The following NXPE2 variants were observed in gnomAD, a reference collection of about 807,000 sequenced individuals.
NXPE2 encodes the protein neurexophilin and PC-esterase domain family member 2.
A neutral mutation model predicts 34.4 loss-of-function variants in NXPE2; 34 were observed. The ratio of observed to expected loss-of-function variants is 0.99; its 90% CI spans 0.75 to 1.31. The LOEUF is 1.31. Among genes scored for constraint, NXPE2 ranks in the 40% most tolerant of loss-of-function variants. The probability of loss-of-function intolerance (pLI) is 0.00; values close to 1 mark genes in which losing one functional copy is unlikely to be tolerated. For missense variants in NXPE2, 649 were observed against 672.5 expected (o/e 0.97, Z 0.39); for synonymous variants, 235 against 231.3 (o/e 1.02, Z -0.15).
chr11:114,801,302 G>T, the NXPE2 span, among the ~76,000 whole-genome samples: 4 of 152,320 alleles, frequency 2.6e-5, no homozygotes, highest in East Asian at 7.7e-4. Flanking sequence ...TGAGGCATTG[G>T]AATGATGAAA....
chr11:114,471,220 A>G, the NXPE2 span, among the ~76,000 whole-genome samples: 14 of 152,212 alleles, frequency 9.2e-5, no homozygotes, highest in Admixed American at 8.5e-4. Flanking sequence ...CCAAAGGCAT[A>G]AAAATTTCGT....
the NXPE2 span, among the ~76,000 whole-genome samples, chr11:114,764,097 A>G: frequency 6.6e-6 from 1 of 152,132 alleles, no homozygotes; most frequent in Admixed American, 6.5e-5. Flanking sequence ...TGGTGCAAAT[A>G]TAGCTCATTA....
At chr11:114,687,180 C>T (rs1316731798) in intron 2 of NXPE2, among the ~76,000 whole-genome samples, 2 of 152,032 alleles carry the variant, frequency 1.3e-5, no homozygotes, top group Non-Finnish European at 2.9e-5. Flanking sequence ...GTTATAAATT[C>T]TTTGCCTGGG....
the NXPE2 span, among the ~76,000 whole-genome samples, chr11:114,625,379 T>A: frequency 6.0e-3 from 906 of 152,178 alleles, 5 homozygotes; most frequent in Non-Finnish European, 9.9e-3. Flanking sequence ...GGGTAACCAC[T>A]GTTACCCAGT....
At chr11:114,807,443 A>G in the NXPE2 span, among the ~76,000 whole-genome samples, 5 of 152,088 alleles carry the variant, frequency 3.3e-5, no homozygotes, top group African/African-American at 1.2e-4. Flanking sequence ...TATTCAGGAA[A>G]CCCATCTCAC....
At chr11:114,656,574 TA>T in the NXPE2 span, among the ~76,000 whole-genome samples, 1 of 152,056 alleles carries the variant, frequency 6.6e-6, no homozygotes, top group Non-Finnish European at 1.5e-5. Context: ...TGTGATAAGT[TA>T]ATTGCATGAA....
the NXPE2 span, among the ~76,000 whole-genome samples, chr11:114,635,601 T>G: frequency 6.6e-6 from 1 of 151,970 alleles, no homozygotes; most frequent in African/African-American, 2.4e-5. Flanking sequence ...GGCTGTGGGT[T>G]TGTCATAGAT....
chr11:114,743,653 G>A, the NXPE2 span, among the ~76,000 whole-genome samples: 1 of 151,958 alleles, frequency 6.6e-6, no homozygotes, highest in South Asian at 2.1e-4. Flanking sequence ...TCTTGGTTAA[G>A]GTGGAACAGT....
At chr11:114,587,598 A>C in the NXPE2 span, among the ~76,000 whole-genome samples, 1 of 152,140 alleles carries the variant, frequency 6.6e-6, no homozygotes. Flanking sequence ...TTTCATTGCT[A>C]TGGGTTATGC....
At chr11:114,736,728 T>G in the NXPE2 span, among the ~76,000 whole-genome samples, 6 of 152,144 alleles carry the variant, frequency 3.9e-5, no homozygotes, top group Non-Finnish European at 7.4e-5. Context: ...ATTGGGGAAG[T>G]GATAAGTGTC....
chr11:114,626,782 A>G, the NXPE2 span, among the ~76,000 whole-genome samples: 1 of 152,168 alleles, frequency 6.6e-6, no homozygotes, highest in Non-Finnish European at 1.5e-5. Context: ...AAAAATTTAG[A>G]ATAATGTATA....
the NXPE2 span, among the ~76,000 whole-genome samples, chr11:114,480,001 G>A: frequency 6.6e-6 from 1 of 152,106 alleles, no homozygotes; most frequent in Non-Finnish European, 1.5e-5. Flanking sequence ...ATAACCAGCT[G>A]TCCTGTGAAC....
chr11:114,538,094 G>T, the NXPE2 span, among the ~76,000 whole-genome samples: 1 of 152,102 alleles, frequency 6.6e-6, no homozygotes, highest in Non-Finnish European at 1.5e-5. Context: ...TAGACCAATG[G>T]AACAGAACAG....
chr11:114,600,581 C>G, the NXPE2 span, among the ~76,000 whole-genome samples: 3 of 151,984 alleles, frequency 2.0e-5, no homozygotes, highest in Non-Finnish European at 4.4e-5. Flanking sequence ...TCTAAAGTGT[C>G]ACAATCATGA....
At chr11:114,577,735 C>A in the NXPE2 span, among the ~76,000 whole-genome samples, 1 of 152,036 alleles carries the variant, frequency 6.6e-6, no homozygotes, top group African/African-American at 2.4e-5. Flanking sequence ...AGACTAAGCT[C>A]ATTTGAGGCT....
At chr11:114,761,997 T>C in the NXPE2 span, among the ~76,000 whole-genome samples, 2 of 152,240 alleles carry the variant, frequency 1.3e-5, no homozygotes, top group African/African-American at 4.8e-5. Context: ...TCAAGGTACT[T>C]AAGATCTCAT....
the NXPE2 span, chr11:114,522,544 G>C: frequency 3.4e-6 from 5 of 1,454,262 alleles, no homozygotes; most frequent in Non-Finnish European, 4.6e-6. Context: ...AGAAGATAAT[G>C]GTTAATATTC....
the NXPE2 span, among the ~76,000 whole-genome samples, chr11:114,541,194 C>T: frequency 6.6e-5 from 10 of 152,014 alleles, no homozygotes; most frequent in Admixed American, 1.3e-4. Context: ...AAACGGAATC[C>T]GTGGTTTCCA....
chr11:114,679,464 T>C (rs1414515953), intron 1 of NXPE2, among the ~76,000 whole-genome samples, 193 bp from the exon 2 acceptor site: 1 of 152,036 alleles, frequency 6.6e-6, no homozygotes, highest in African/African-American at 2.4e-5. Context: ...CCAGGAGTCC[T>C]TCTAGGAGTT....
Sources: gnomAD v4.1 joint callset for allele counts (sites outside exome capture counted in the v4.1 genomes callset) on GRCh38, gnomAD v4.1.1 for gene constraint, MANE v1.5 for transcripts, NCBI Gene and HGNC (gene_info 2026-07-23, HGNC 2026-07-21) for gene names.